HS3ST2: variants seen among roughly 807,000 people sequenced by gnomAD.
HS3ST2 encodes the protein heparan sulfate glucosamine 3-O-sulfotransferase 2.
In HS3ST2, 17 loss-of-function variants were observed where a neutral mutation model predicts 26.3. The ratio of observed to expected loss-of-function variants is 0.65; its 90% confidence interval spans 0.44 to 0.97. The LOEUF (loss-of-function observed/expected upper bound fraction) is 0.97. Ranked by LOEUF, HS3ST2 falls within the 50% of genes least tolerant of loss-of-function variation. HS3ST2 has a pLI of 0.00. For synonymous variants in HS3ST2, 237 were observed against 219.2 expected (o/e 1.08, Z -0.72); for missense variants, 402 against 501.2 (o/e 0.80, Z 1.89).
At chr16:22,913,626 A>G (rs1166273934) in intron 1 of HS3ST2, among the ~76,000 whole-genome samples, 3 of 152,230 alleles carry the variant, frequency 2.0e-5, no homozygotes, top group African/African-American at 7.2e-5. Flanking sequence ...CCAGAACAAT[A>G]TTCAGTGGCT....
At chr16:22,820,237 C>T (rs1193606342) in intron 1 of HS3ST2, among the ~76,000 whole-genome samples, 1 of 152,172 alleles carries the variant, frequency 6.6e-6, no homozygotes, top group African/African-American at 2.4e-5. Context: ...TACTTAGTGC[C>T]AGCAAATGTA....
intron 1 of HS3ST2, among the ~76,000 whole-genome samples, chr16:22,881,789 G>T (rs1014775885): frequency 6.6e-6 from 1 of 152,142 alleles, no homozygotes; most frequent in African/African-American, 2.4e-5. Context: ...TGGGTCCTTT[G>T]CTCACTTCTC....
At chr16:22,896,771 C>T (rs1313303717) in intron 1 of HS3ST2, among the ~76,000 whole-genome samples, 1 of 151,966 alleles carries the variant, frequency 6.6e-6, no homozygotes, top group Non-Finnish European at 1.5e-5. Flanking sequence ...TTTTCTCTTT[C>T]TTTCTTTTGT....
intron 1 of HS3ST2, among the ~76,000 whole-genome samples, chr16:22,840,436 T>A (rs1416354115): frequency 2.0e-5 from 3 of 152,042 alleles, no homozygotes; most frequent in Non-Finnish European, 4.4e-5. Flanking sequence ...AGGCTGGAGT[T>A]AAGTGACACA....
At chr16:22,819,382 C>A (rs1900955243) in intron 1 of HS3ST2, among the ~76,000 whole-genome samples, 1 of 152,064 alleles carries the variant, frequency 6.6e-6, no homozygotes, top group Admixed American at 6.6e-5. Context: ...GGATGCTCTC[C>A]ATTCTAAGGA....
chr16:22,907,802 G>T (rs901357385), intron 1 of HS3ST2, among the ~76,000 whole-genome samples: 1 of 152,174 alleles, frequency 6.6e-6, no homozygotes, highest in African/African-American at 2.4e-5. Context: ...GATGGTTAAA[G>T]GCTGGGGAAG....
intron 1 of HS3ST2, among the ~76,000 whole-genome samples, chr16:22,844,571 G>A (rs1901404093): frequency 6.6e-6 from 1 of 152,064 alleles, no homozygotes; most frequent in South Asian, 2.1e-4. Context: ...CTCAGTGTAG[G>A]AGGAGGGGCC....
At chr16:22,857,133 C>A (rs1301204890) in intron 1 of HS3ST2, among the ~76,000 whole-genome samples, 1 of 152,046 alleles carries the variant, frequency 6.6e-6, no homozygotes, top group Non-Finnish European at 1.5e-5. Context: ...CTAAATGACA[C>A]CTCGTTAAAA....
At chr16:22,886,708 C>T (rs1902064195) in intron 1 of HS3ST2, among the ~76,000 whole-genome samples, 2 of 152,044 alleles carry the variant, frequency 1.3e-5, no homozygotes, top group Non-Finnish European at 2.9e-5. Context: ...CTCTGTTTTC[C>T]TTTGCTGGCT....
At chr16:22,910,037 CAA>C (rs774757407) in intron 1 of HS3ST2, among the ~76,000 whole-genome samples, 7 of 97,080 alleles carry the variant, frequency 7.2e-5, no homozygotes, top group African/African-American at 1.2e-4. Flanking sequence ...AACTCCATCT[CAA>C]AAAAAAAAAA....
At chr16:22,889,088 G>T (rs1902100136) in intron 1 of HS3ST2, among the ~76,000 whole-genome samples, 1 of 152,214 alleles carries the variant, frequency 6.6e-6, no homozygotes, top group Non-Finnish European at 1.5e-5. Context: ...TGACAGTCGA[G>T]GTCGGCCCAT....
chr16:22,881,002 A>G lies in HS3ST2; in HGVS notation c.486-33942A>G, dbSNP rs542946401. ...AGATGCATCGCTGGACTTTCAAAGT[A>G]TGTGTGGCAATACATTCCCTTGTTG... On this transcript the variant is annotated intron_variant, in intron 1 of 1. Coordinates refer to ENST00000261374, the MANE Select transcript of HS3ST2 (RefSeq NM_006043.2). 2.0e-5 allele frequency among the ~76,000 whole-genome samples: 3 copies of G among 152,364 alleles called. No individual in the cohort carries two copies. In the South Asian group the frequency reaches 6.2e-4, roughly 32 times the overall value.
chr16:22,861,099 ACTCCTGAG>A (rs1901668155), intron 1 of HS3ST2, among the ~76,000 whole-genome samples: 1 of 150,666 alleles, frequency 6.6e-6, no homozygotes, highest in Non-Finnish European at 1.5e-5. Context: ...CTGATCTTGA[ACTCCTGAG>A]CTTAGGCAAT....
intron 1 of HS3ST2, among the ~76,000 whole-genome samples, chr16:22,865,281 G>A (rs144751682): frequency 2.0e-4 from 31 of 152,110 alleles, no homozygotes; most frequent in African/African-American, 5.5e-4. Context: ...TAGGCCGGGC[G>A]CGGTGGCTCA....
chr16:22,865,883 T>C (rs1280354967), intron 1 of HS3ST2, among the ~76,000 whole-genome samples: 1 of 152,162 alleles, frequency 6.6e-6, no homozygotes, highest in African/African-American at 2.4e-5. Flanking sequence ...GTTATTAGCA[T>C]GCCTCATAAT....
chr16:22,862,276 T>C (rs954315894), intron 1 of HS3ST2, among the ~76,000 whole-genome samples: 10 of 88,096 alleles, frequency 1.1e-4, no homozygotes, highest in African/African-American at 6.7e-4. Flanking sequence ...TCTCCTCAGC[T>C]TTTTTTTTTT....
chr16:22,913,263 G>C (rs1286197671), intron 1 of HS3ST2, among the ~76,000 whole-genome samples: 5 of 151,884 alleles, frequency 3.3e-5, no homozygotes, highest in Non-Finnish European at 1.5e-5. Context: ...GGTCAACTAT[G>C]ACCTTCATCA....
At chr16:22,898,600 A>G (rs1902239088) in intron 1 of HS3ST2, among the ~76,000 whole-genome samples, 1 of 152,190 alleles carries the variant, frequency 6.6e-6, no homozygotes, top group African/African-American at 2.4e-5. Context: ...AGTGTCTGCT[A>G]GTTCATCTTG....
chr16:22,877,155 C>G (rs1162821753), intron 1 of HS3ST2, among the ~76,000 whole-genome samples: 4 of 152,174 alleles, frequency 2.6e-5, no homozygotes, highest in African/African-American at 7.2e-5. Flanking sequence ...AGCTATATCA[C>G]TGGTGAATGT....
Sources: gnomAD v4.1 joint callset for allele counts (sites outside exome capture counted in the v4.1 genomes callset) on GRCh38, gnomAD v4.1.1 for gene constraint, MANE v1.5 for transcripts, NCBI Gene and HGNC (gene_info 2026-07-23, HGNC 2026-07-21) for gene names.